Variants in SIPA1L1 observed in about 807,000 individuals in gnomAD.
SIPA1L1 encodes the protein signal induced proliferation associated 1 like 1.
A neutral mutation model predicts 162.7 loss-of-function variants in SIPA1L1; 26 were observed. The ratio of observed to expected loss-of-function variants is 0.16; its 90% CI spans 0.12 to 0.22. The LOEUF (loss-of-function observed/expected upper bound fraction) is 0.22. Among genes scored for constraint, SIPA1L1 ranks in the 10% least tolerant of loss-of-function variants. SIPA1L1 has a pLI of 1.00. For synonymous variants in SIPA1L1, 829 were observed against 837.4 expected, an observed-to-expected ratio of 0.99 and a Z score of 0.17; for missense variants, 1,874 against 2,241.0, an observed-to-expected ratio of 0.84 and a Z score of 3.31.
At chr14:71,501,413 A>G (rs527259820) in intron 2 of SIPA1L1, among the ~76,000 whole-genome samples, 1 of 152,216 alleles carries the variant, frequency 6.6e-6, no homozygotes, top group African/African-American at 2.4e-5. Flanking sequence ...AGCAACAAAG[A>G]TGAAGTTCAC....
In SIPA1L1 at chr14:71,739,874, G is replaced by T. The variant is rs955078323; in HGVS notation, c.*713G>T. ...TGCTTCTCCCTTTCCCCAGGAAGAT[G>T]GTCCCACTTGTGCTGCAAGACTCTT... On this transcript the variant is annotated 3_prime_UTR_variant, in exon 24 of 24. Coordinates refer to ENST00000381232, the MANE Select transcript of SIPA1L1 (RefSeq NM_001386936.1). 7.4e-4 allele frequency: 113 copies of T among 152,170 alleles called. 5 individuals are homozygous for T. The highest frequency in any genetic ancestry group is 7.3e-5 in the Non-Finnish European group (5 of 68,046). The allele number at this position is 152,170 out of a possible 1,614,324, so 9.4% of individuals were successfully genotyped here.
At chr14:71,585,483 A>G (rs2034472688) in intron 4 of SIPA1L1, among the ~76,000 whole-genome samples, 1 of 152,222 alleles carries the variant, frequency 6.6e-6, no homozygotes, top group Non-Finnish European at 1.5e-5. Flanking sequence ...AGAAATACTG[A>G]TGGTGGAGAC....
At chr14:71,717,905 G>A (rs1203864632) in intron 17 of SIPA1L1, among the ~76,000 whole-genome samples, 2 of 152,162 alleles carry the variant, frequency 1.3e-5, no homozygotes, top group African/African-American at 2.4e-5. Flanking sequence ...GGCTCTGGAA[G>A]ATCTAACACA....
chr14:71,645,085 C>G (rs1222785620), intron 7 of SIPA1L1, among the ~76,000 whole-genome samples: 1 of 152,250 alleles, frequency 6.6e-6, no homozygotes, highest in Admixed American at 6.5e-5. Context: ...TTTTCAACTT[C>G]TGGTGGCTGC....
At chr14:71,520,492 A>G (rs1292456884) in intron 3 of SIPA1L1, among the ~76,000 whole-genome samples, 3 of 152,212 alleles carry the variant, frequency 2.0e-5, no homozygotes, top group Admixed American at 6.5e-5. Flanking sequence ...GGACTCATCT[A>G]TGAAACCAGT....
At chr14:71,389,492 G>A (rs996760386) in intron 2 of SIPA1L1, among the ~76,000 whole-genome samples, 1 of 152,126 alleles carries the variant, frequency 6.6e-6, no homozygotes, top group South Asian at 2.1e-4. Flanking sequence ...CCATTTGTAG[G>A]AAATCTGACA....
chr14:71,644,073 T>G (rs1442385309), intron 7 of SIPA1L1, among the ~76,000 whole-genome samples: 2 of 152,188 alleles, frequency 1.3e-5, no homozygotes, highest in Non-Finnish European at 1.5e-5. Context: ...CCCAAAGTGC[T>G]GGGATGACAG....
At chr14:71,470,155 A>G (rs1055077352) in intron 2 of SIPA1L1, among the ~76,000 whole-genome samples, 1 of 152,250 alleles carries the variant, frequency 6.6e-6, no homozygotes. Flanking sequence ...GCTTTTGGGT[A>G]GGGCCTTATG....
Position 71,603,600 on chromosome 14 carries a change from C to T in SIPA1L1, c.1498+14230C>T, listed in dbSNP as rs531569549. Reference sequence around the variant, plus strand: ...TCAGCCTCCTGAATATCTAGGACTACAGGCATGTGCCACCATGCCTTACTA... The same window carrying T: ...TCAGCCTCCTGAATATCTAGGACTATAGGCATGTGCCACCATGCCTTACTA... On this transcript the variant is annotated intron_variant, in intron 5 of 23. Transcript: ENST00000381232. Among the ~76,000 whole-genome samples, 168 of 152,228 alleles carry T rather than the reference C, an allele frequency of 1.1e-3. 1 individual carries two copies. Among genetic ancestry groups the T allele is most frequent in the Non-Finnish European group, 1.7e-3 (115 of 68,008 alleles).
In SIPA1L1 at chr14:71,624,079, A is replaced by G. The variant is rs1342040748; in HGVS notation, c.1661A>G (p.Asp554Gly). 1 of 1,612,688 alleles carries G rather than the reference A, an allele frequency of 6.2e-7. No homozygotes were observed. The highest frequency in any genetic ancestry group is 8.5e-7 in the Non-Finnish European group (1 of 1,179,192). The stretch of plus-strand genomic sequence containing the variant: ...ACACTGAGAGGTTCGGTCCTGGAGG[A>G]CGCCATTCCGTCGACAGCCAAGCAC... The part of the protein sequence containing the change: ...LMTLRGSVLE[D>G]AIPSTAKHST... The change falls in exon 7 of 24, where the codon GAC becomes GGC. Residue 554 changes from aspartate to glycine, a missense_variant. Transcript: ENST00000381232.
chr14:71,724,508 C>T (rs1025125978), intron 18 of SIPA1L1, among the ~76,000 whole-genome samples, 162 bp from the exon 19 acceptor site: 2 of 152,204 alleles, frequency 1.3e-5, no homozygotes, highest in Admixed American at 6.5e-5. Flanking sequence ...CTTCAGTAAG[C>T]GTTTATATGA....
chr14:71,606,931 A>T (rs1259278050), intron 5 of SIPA1L1, among the ~76,000 whole-genome samples: 1 of 151,860 alleles, frequency 6.6e-6, no homozygotes, highest in East Asian at 1.9e-4. Context: ...GAAGAAAAAA[A>T]TAAAAACAAA....
intron 16 of SIPA1L1, among the ~76,000 whole-genome samples, chr14:71,708,168 A>G (rs891562556): frequency 2.0e-5 from 3 of 151,242 alleles, no homozygotes; most frequent in Admixed American, 6.6e-5. Flanking sequence ...TTTTGTTGTC[A>G]TAGCTAAGAA....
chr14:71,540,129 A>G (rs1047145235), intron 4 of SIPA1L1, among the ~76,000 whole-genome samples: 12 of 152,146 alleles, frequency 7.9e-5, no homozygotes, highest in Admixed American at 5.9e-4. Flanking sequence ...GAGATTTGAC[A>G]TTTCTTATAG....
intron 2 of SIPA1L1, among the ~76,000 whole-genome samples, chr14:71,322,368 T>C (rs946617232): frequency 1.2e-4 from 18 of 152,342 alleles, no homozygotes; most frequent in African/African-American, 4.3e-4. Context: ...CTGCAGCCAG[T>C]TTAGTAATAA....
chr14:71,340,170 G>A (rs977770166), intron 2 of SIPA1L1, among the ~76,000 whole-genome samples: 2 of 152,094 alleles, frequency 1.3e-5, no homozygotes, highest in African/African-American at 4.8e-5. Context: ...GGCTGATCTT[G>A]CTACTATAGT....
chr14:71,374,652 T>C (rs2141068717), intron 2 of SIPA1L1, among the ~76,000 whole-genome samples: 1 of 151,892 alleles, frequency 6.6e-6, no homozygotes, highest in East Asian at 1.9e-4. Flanking sequence ...ATTCCTATGC[T>C]GTATGCTTCC....
chr14:71,543,937 G>A (rs909289071), intron 4 of SIPA1L1, among the ~76,000 whole-genome samples: 1 of 140,530 alleles, frequency 7.1e-6, no homozygotes. Flanking sequence ...GTATATGTGT[G>A]TATATATACA....
intron 2 of SIPA1L1, among the ~76,000 whole-genome samples, chr14:71,464,192 A>T (rs576707046): frequency 3.9e-5 from 6 of 152,204 alleles, no homozygotes; most frequent in Middle Eastern, 3.4e-3. Flanking sequence ...CACCACCCCA[A>T]TCTCCTTAAG....
Sources: allele counts gnomAD v4.1 joint callset (sites outside exome capture counted in the v4.1 genomes callset), GRCh38; gene constraint gnomAD v4.1.1; transcripts MANE v1.5; gene names NCBI Gene and HGNC (gene_info 2026-07-23, HGNC 2026-07-21).